The following ENTPD7 variants were observed in gnomAD, a reference collection of about 807,000 sequenced individuals.
The protein encoded by ENTPD7 is ectonucleoside triphosphate diphosphohydrolase 7, also known as NTPDase 7.
ENTPD7 carries 53 observed loss-of-function variants against 77.9 expected under a neutral mutation model. The ratio of observed to expected loss-of-function variants is 0.68; its 90% CI spans 0.55 to 0.85. The LOEUF is 0.85. ENTPD7 is among the 40% of genes least tolerant of loss of function. The probability of loss-of-function intolerance (pLI) is 0.00; values close to 1 mark genes in which losing one functional copy is unlikely to be tolerated. For synonymous variants in ENTPD7, 248 were observed against 274.9 expected (o/e 0.90, Z 0.97); for missense variants, 636 against 743.7 (o/e 0.86, Z 1.68).
chr10:99,663,874 C>T lies in ENTPD7; in HGVS notation c.191+2246C>T, dbSNP rs191900581. Among the ~76,000 whole-genome samples, 182 of 152,232 alleles carry T rather than the reference C, an allele frequency of 1.2e-3. 2 individuals are homozygous for T. The highest frequency in any genetic ancestry group is 2.3e-3 in the Non-Finnish European group (156 of 68,008). ...TCTTCAGATTTTTGTTGTTGTTGTT[C>T]TCCCCTGCTTTTCCTCTGGGGACTC... On this transcript the variant is annotated intron_variant, in intron 3 of 12. Transcript: ENST00000370489.
At chr10:99,699,678 C>G (rs2133508053) in intron 10 of ENTPD7, among the ~76,000 whole-genome samples, 1 of 152,282 alleles carries the variant, frequency 6.6e-6, no homozygotes, top group East Asian at 1.9e-4. Flanking sequence ...GATTCTCCTG[C>G]CTCAGCCTCC....
intron 10 of ENTPD7, 31 bp from the exon 11 acceptor site, chr10:99,700,942 A>G: frequency 6.3e-7 from 1 of 1,586,472 alleles, no homozygotes; most frequent in Non-Finnish European, 8.7e-7. Context: ...CTCCAAATTC[A>G]TGTTGCACTA....
At chr10:99,698,390 G>A in intron 9 of ENTPD7, 144 bp from the exon 10 acceptor site, 1 of 735,562 alleles carries the variant, frequency 1.4e-6, no homozygotes, top group Non-Finnish European at 2.2e-6. Flanking sequence ...ATGTTTATGT[G>A]ATGAAATTGC....
intron 12 of ENTPD7, among the ~76,000 whole-genome samples, chr10:99,704,226 G>A (rs1383123206): frequency 6.6e-6 from 1 of 152,144 alleles, no homozygotes; most frequent in Non-Finnish European, 1.5e-5. Flanking sequence ...ATTCTGGAGG[G>A]TGTAAGCCTG....
At chr10:99,664,249 G>GATTTTCTT (rs1468413808) in intron 3 of ENTPD7, among the ~76,000 whole-genome samples, 2 of 151,840 alleles carry the variant, frequency 1.3e-5, no homozygotes, top group Non-Finnish European at 2.9e-5. Flanking sequence ...TCTTCAACAT[G>GATTTTCTT]ATTTTCTTAT....
chr10:99,709,359 G>A lies in ENTPD7; in HGVS notation c.*4676G>A. On this transcript the variant is annotated 3_prime_UTR_variant, in exon 13 of 13. Coordinates refer to ENST00000370489, the MANE Select transcript of ENTPD7 (RefSeq NM_020354.5). ...ATGTTGATTGGGAATAAGAATTATG[G>A]TAGAAATAGCAGATGTTTCAAATTC... 1.0e-6 allele frequency: 1 copy of A among 985,342 alleles called. No homozygotes were observed. Among genetic ancestry groups the A allele is most frequent in the Non-Finnish European group, 1.2e-6 (1 of 829,902 alleles). 61.0% of individuals were successfully genotyped at this position (985,342 alleles called of 1,614,324 possible). A position where few individuals can be genotyped will look rare whatever the true frequency, so the allele number is the denominator to read the frequency against.
rs376429113 is a variant in ENTPD7 at position 99,701,063 on chromosome 10, G to C, written c.1421+5G>C. 1 of 1,612,094 alleles carries C rather than the reference G, an allele frequency of 6.2e-7. No individual in the cohort carries two copies. Among genetic ancestry groups the C allele is most frequent in the Non-Finnish European group, 8.5e-7 (1 of 1,178,286 alleles). On this transcript the variant is annotated splice_donor_5th_base_variant and intron_variant, in intron 11 of 12. Coordinates refer to ENST00000370489, the MANE Select transcript of ENTPD7 (RefSeq NM_020354.5). ...TGCAGATGAGCATCGACTCAAGTAA[G>C]TTACTTCCCTTTCCTCCTTAGATGT...
Position 99,709,474 on chromosome 10 carries a change from T to C in ENTPD7, c.*4791T>C, listed in dbSNP as rs756503233. On this transcript the variant is annotated 3_prime_UTR_variant, in exon 13 of 13. Transcript: ENST00000370489. ...GATTTTCCTGGTGTTACAAAAAATA[T>C]TGCTGTTAAAAAACTAAGACTCAAA... The C allele has an allele frequency of 7.0e-5, 69 of 985,294 alleles. No individual in the cohort carries two copies. The highest frequency in any genetic ancestry group is 8.2e-5 in the Non-Finnish European group (68 of 829,924). 61.0% of individuals were successfully genotyped at this position (985,294 alleles called of 1,614,324 possible).
At chr10:99,688,866 A>T in intron 7 of ENTPD7, 116 bp downstream of exon 7, 1 of 954,136 alleles carries the variant, frequency 1.0e-6, no homozygotes, top group South Asian at 1.5e-5. Context: ...CAAACATAAG[A>T]TGCTTCATTT....
At chr10:99,667,850 T>G (rs1446596739) in intron 3 of ENTPD7, among the ~76,000 whole-genome samples, 1 of 152,026 alleles carries the variant, frequency 6.6e-6, no homozygotes, top group Non-Finnish European at 1.5e-5. Context: ...ACAGTTTCTA[T>G]AGTGGTAAAC....
Position 99,661,522 on chromosome 10 carries a change from G to A in ENTPD7, c.85G>A (p.Val29Met), listed in dbSNP as rs35229854. Reference sequence around the variant, plus strand: ...AGTGAGTCCATTTCTCCGTCAGCGGGTGGCATTCCTGGGACTCTTCTTCAT... The same window carrying A: ...AGTGAGTCCATTTCTCCGTCAGCGGATGGCATTCCTGGGACTCTTCTTCAT... Reference protein sequence around the residue: ...PTVSPFLRQRVAFLGLFFISC... With the variant: ...PTVSPFLRQRMAFLGLFFISC... Residue 29 changes from valine to methionine, a missense_variant, in exon 3 of 13, where the codon GTG becomes ATG. Transcript: ENST00000370489. 3,134 of 1,613,804 alleles carry A rather than the reference G, an allele frequency of 1.9e-3. 26 individuals are homozygous for A. In the Middle Eastern group the frequency reaches 0.02, roughly 10 times the overall value.
intron 3 of ENTPD7, among the ~76,000 whole-genome samples, chr10:99,676,965 G>A (rs2035688822): frequency 1.3e-5 from 2 of 152,074 alleles, no homozygotes; most frequent in South Asian, 4.1e-4. Context: ...ATATAGGAAA[G>A]GTACTCTACT....
intron 6 of ENTPD7, among the ~76,000 whole-genome samples, chr10:99,687,429 C>A (rs2035829842): frequency 6.6e-6 from 1 of 151,662 alleles, no homozygotes; most frequent in Admixed American, 6.6e-5. Flanking sequence ...CCACGCCTGG[C>A]TAATTTTTTG....
chr10:99,687,259 C>CTTTATT (rs1223628237), intron 6 of ENTPD7, among the ~76,000 whole-genome samples: 1 of 29,526 alleles, frequency 3.4e-5, no homozygotes, highest in Non-Finnish European at 5.6e-5. Context: ...TTCTTTCTTT[C>CTTTATT]TTTTTTTTTT....
At chr10:99,681,257 T>C (rs898001065) in intron 5 of ENTPD7, among the ~76,000 whole-genome samples, 1 of 147,976 alleles carries the variant, frequency 6.8e-6, no homozygotes, top group Admixed American at 6.8e-5. Context: ...CTGGATCATA[T>C]GACAGTTTGA....
In ENTPD7 at chr10:99,709,426, C is replaced by T. The variant is rs1434143804; in HGVS notation, c.*4743C>T. On this transcript the variant is annotated 3_prime_UTR_variant, in exon 13 of 13. Transcript: ENST00000370489. The stretch of plus-strand genomic sequence containing the variant: ...TAGGGACGCTAGCTCCAGATTCCAG[C>T]CCCTGGGGCAATAACTTGTGAGGAT... 11 of 985,264 alleles carry T rather than the reference C, an allele frequency of 1.1e-5. No homozygotes were observed. The highest frequency in any genetic ancestry group is 1.3e-5 in the Non-Finnish European group (11 of 829,936). 61.0% of individuals were successfully genotyped at this position (985,264 alleles called of 1,614,324 possible). A position where few individuals can be genotyped will look rare whatever the true frequency, so the allele number is the denominator to read the frequency against.
In ENTPD7 at chr10:99,710,228, G is replaced by A; in HGVS notation, c.*5545G>A. 1 of 985,412 alleles carries A rather than the reference G, an allele frequency of 1.0e-6. No homozygotes were observed. The allele number at this position is 985,412 out of a possible 1,614,324, so 61.0% of individuals were successfully genotyped here. Reference sequence around the variant, plus strand: ...CGGCATTTGGCCTGCTGCTGGTGAAGACGCCCCTTACTAGCTTCATAAATG... The same window carrying A: ...CGGCATTTGGCCTGCTGCTGGTGAAAACGCCCCTTACTAGCTTCATAAATG... On this transcript the variant is annotated 3_prime_UTR_variant, in exon 13 of 13. Coordinates refer to ENST00000370489, the MANE Select transcript of ENTPD7 (RefSeq NM_020354.5).
At position 99,703,248 on chromosome 10, in the gene ENTPD7, C is replaced by CA. The variant is rs3837305; in HGVS notation, c.1583+575_1583+576insA. Among the ~76,000 whole-genome samples the CA allele has an allele frequency of 1.2e-3, 182 of 152,242 alleles. No individual in the cohort carries two copies. The East Asian group carries it at 0.014, about 11-fold the overall frequency. ...AGATATTTGGGACAATTTTTAGGTACCTGTACCCTGGACTATTTCAGATAA... is the reference window on the plus strand; with the variant it reads ...AGATATTTGGGACAATTTTTAGGTACACTGTACCCTGGACTATTTCAGATAA... On this transcript the variant is annotated intron_variant, in intron 12 of 12. Transcript: ENST00000370489.
rs961598180 is a variant in ENTPD7 at position 99,711,066 on chromosome 10, A to G, written c.*6383A>G. ...CATGCATTCACTAATTCAATATTTG[A>G]TATGTGTCTGGGAGTGCTGGGAATA... On this transcript the variant is annotated 3_prime_UTR_variant, in exon 13 of 13. Transcript: ENST00000370489. 2.3e-5 allele frequency: 23 copies of G among 983,012 alleles called. No individual in the cohort carries two copies. In the Admixed American group the frequency reaches 1.4e-3, roughly 59 times the overall value. 60.9% of individuals were successfully genotyped at this position (983,012 alleles called of 1,614,324 possible).
Sources: gnomAD v4.1 joint callset for allele counts (sites outside exome capture counted in the v4.1 genomes callset) on GRCh38, gnomAD v4.1.1 for gene constraint, MANE v1.5 for transcripts, NCBI Gene and HGNC (gene_info 2026-07-23, HGNC 2026-07-21) for gene names.